Variants in LRMDA observed in about 807,000 individuals in gnomAD.
LRMDA encodes the protein leucine-rich melanocyte differentiation-associated protein.
A neutral mutation model predicts 29.8 loss-of-function variants in LRMDA; 18 were observed. The ratio of observed to expected loss-of-function variants is 0.60; its 90% confidence interval spans 0.42 to 0.90. The LOEUF is 0.90. LRMDA is among the 40% of genes least tolerant of loss of function. The probability of loss-of-function intolerance (pLI) is 0.00; values close to 1 mark genes in which losing one functional copy is unlikely to be tolerated. For missense variants in LRMDA, 273 were observed against 273.9 expected, an observed-to-expected ratio of 1.00 and a Z score of 0.02; for synonymous variants, 125 against 109.4, an observed-to-expected ratio of 1.14 and a Z score of -0.89.
At chr10:76,323,727 A>G (rs915679965) in intron 5 of LRMDA, among the ~76,000 whole-genome samples, 28 of 152,222 alleles carry the variant, frequency 1.8e-4, no homozygotes, top group African/African-American at 6.8e-4. Context: ...CTATGGTTAA[A>G]GAGTTGTCTG....
rs144887579 is a variant in LRMDA at position 75,897,127 on chromosome 10, C to T, written c.132-138881C>T. ...ACCCAGCCCTGTTCTGAACCAGTGG[C>T]CATTCTTCCGCCATGTATAATAGCA... On this transcript the variant is annotated intron_variant, in intron 2 of 6. Transcript: ENST00000611255. 3.5e-3 allele frequency among the ~76,000 whole-genome samples: 533 copies of T among 152,232 alleles called. 1 individual carries two copies. The highest frequency in any genetic ancestry group is 0.012 in the African/African-American group (507 of 41,532).
At chr10:75,592,840 C>G (rs1389308338) in intron 2 of LRMDA, among the ~76,000 whole-genome samples, 5 of 152,214 alleles carry the variant, frequency 3.3e-5, no homozygotes, top group Admixed American at 2.6e-4. Flanking sequence ...ATAGTTTAGT[C>G]ACAGATGCCT....
intron 5 of LRMDA, among the ~76,000 whole-genome samples, chr10:76,271,290 C>T (rs542012669): frequency 6.6e-6 from 1 of 152,212 alleles, no homozygotes; most frequent in South Asian, 2.1e-4. Flanking sequence ...CACCTGTAAT[C>T]CCAGCTACTT....
intron 2 of LRMDA, among the ~76,000 whole-genome samples, chr10:75,849,602 G>T (rs1039912689): frequency 1.3e-5 from 2 of 152,082 alleles, no homozygotes; most frequent in Admixed American, 1.3e-4. Context: ...GGTACCTTTC[G>T]GGGGTGAGGT....
chr10:76,220,520 GAAGA>G (rs1219821409), intron 5 of LRMDA, among the ~76,000 whole-genome samples: 1 of 152,118 alleles, frequency 6.6e-6, no homozygotes, highest in Non-Finnish European at 1.5e-5. Context: ...CAAAAATCTA[GAAGA>G]AATGGGTAAA....
chr10:75,873,339 A>G (rs919996361), intron 2 of LRMDA, among the ~76,000 whole-genome samples: 4 of 152,220 alleles, frequency 2.6e-5, no homozygotes, highest in African/African-American at 9.6e-5. Context: ...GTACAAATGA[A>G]AGCTTAATTT....
chr10:75,672,923 C>G (rs567507583), intron 2 of LRMDA, among the ~76,000 whole-genome samples: 1 of 150,408 alleles, frequency 6.6e-6, no homozygotes, highest in Non-Finnish European at 1.5e-5. Flanking sequence ...TAGTTCCTCT[C>G]GGGCTGCCTG....
chr10:76,100,858 C>G (rs529213797), intron 5 of LRMDA, among the ~76,000 whole-genome samples: 2 of 152,072 alleles, frequency 1.3e-5, no homozygotes, highest in East Asian at 3.9e-4. Flanking sequence ...CCCACTCTTT[C>G]TCTGTGAGCA....
At chr10:75,612,640 A>G (rs947955131) in intron 2 of LRMDA, among the ~76,000 whole-genome samples, 2 of 147,844 alleles carry the variant, frequency 1.4e-5, no homozygotes, top group Non-Finnish European at 3.0e-5. Context: ...TTATTTATAT[A>G]TTTATATATT....
intron 6 of LRMDA, among the ~76,000 whole-genome samples, chr10:76,443,134 C>T (rs1188008726): frequency 6.6e-6 from 1 of 152,180 alleles, no homozygotes; most frequent in Non-Finnish European, 1.5e-5. Context: ...CTCCTAGAAT[C>T]ATGAAAGCCA....
At chr10:76,426,687 T>A (rs1410277478) in intron 6 of LRMDA, among the ~76,000 whole-genome samples, 1 of 152,242 alleles carries the variant, frequency 6.6e-6, no homozygotes, top group East Asian at 1.9e-4. Context: ...CATACCTATG[T>A]CCTGAATGGT....
intron 2 of LRMDA, among the ~76,000 whole-genome samples, chr10:75,813,623 G>T (rs1160188337): frequency 2.0e-5 from 3 of 152,254 alleles, no homozygotes; most frequent in East Asian, 1.9e-4. Flanking sequence ...TTACTCCACA[G>T]GTCCATTTGA....
At chr10:75,448,859 A>G (rs1002900533) in intron 2 of LRMDA, among the ~76,000 whole-genome samples, 24 of 152,328 alleles carry the variant, frequency 1.6e-4, no homozygotes, top group African/African-American at 5.8e-4. Context: ...TGACATCAGA[A>G]GTCATGTTTA....
chr10:75,945,329 C>G (rs1846458793), intron 2 of LRMDA, among the ~76,000 whole-genome samples: 1 of 152,214 alleles, frequency 6.6e-6, no homozygotes, highest in African/African-American at 2.4e-5. Flanking sequence ...AGGGTCATCT[C>G]AGGATTTAGT....
intron 2 of LRMDA, among the ~76,000 whole-genome samples, chr10:75,997,459 A>G (rs1043360654): frequency 3.4e-5 from 5 of 148,184 alleles, no homozygotes; most frequent in Admixed American, 2.8e-4. Flanking sequence ...GTTCCAGGAC[A>G]TACATCTATT....
At chr10:76,270,150 A>G (rs1840049691) in intron 5 of LRMDA, 1 of 152,230 alleles carries the variant, frequency 6.6e-6, no homozygotes. Flanking sequence ...ATATTTTAAT[A>G]CTTGTAGTCA....
At position 76,036,027 on chromosome 10, in the gene LRMDA, G is replaced by C; in HGVS notation, c.151G>C (p.Ala51Pro). ...NLLRSLEGLS[A>P]FRSLEELILD... Reference sequence around the variant, plus strand: ...TTGCAGGTCACTGGAAGGACTGAGCGCATTCAGGAGCCTGGAGGAACTCAT... The same window carrying C: ...TTGCAGGTCACTGGAAGGACTGAGCCCATTCAGGAGCCTGGAGGAACTCAT... The change falls in exon 3 of 7, where the codon GCA (alanine) becomes CCA (proline). Residue 51 changes from alanine (A) to proline (P), a missense_variant. Physicochemically the swap from Ala to Pro is conservative, Grantham distance 27. Transcript: ENST00000611255. 2 of 1,614,024 alleles carry C rather than the reference G, an allele frequency of 1.2e-6. No homozygotes were observed. The highest frequency in any genetic ancestry group is 1.1e-5 in the South Asian group (1 of 91,056).
chr10:75,853,793 A>T (rs1844773857), intron 2 of LRMDA, among the ~76,000 whole-genome samples: 1 of 152,196 alleles, frequency 6.6e-6, no homozygotes, highest in Non-Finnish European at 1.5e-5. Flanking sequence ...AGGACATCTT[A>T]ATCCTCTGGA....
chr10:75,494,663 G>T (rs1014948046), intron 2 of LRMDA, among the ~76,000 whole-genome samples: 1 of 151,918 alleles, frequency 6.6e-6, no homozygotes, highest in Non-Finnish European at 1.5e-5. Flanking sequence ...ACCACACCGG[G>T]CTAATTTTTG....
Sources: gnomAD v4.1 joint callset for allele counts (sites outside exome capture counted in the v4.1 genomes callset) on GRCh38, gnomAD v4.1.1 for gene constraint, MANE v1.5 for transcripts, NCBI Gene and HGNC (gene_info 2026-07-23, HGNC 2026-07-21) for gene names.